SAMD4A: variants seen among roughly 807,000 people sequenced by gnomAD.
SAMD4A encodes protein Smaug homolog 1.
A neutral mutation model predicts 81.3 loss-of-function variants in SAMD4A; 33 were observed. The ratio of observed to expected loss-of-function variants is 0.41; its 90% CI spans 0.31 to 0.54. The LOEUF is 0.54. Ranked by LOEUF, SAMD4A falls within the 20% of genes least tolerant of loss-of-function variation. The pLI is 0.37. For synonymous variants in SAMD4A, 389 were observed against 382.1 expected, an observed-to-expected ratio of 1.02 and a Z score of -0.21; for missense variants, 854 against 951.1, an observed-to-expected ratio of 0.90 and a Z score of 1.34.
intron 5 of SAMD4A, among the ~76,000 whole-genome samples, chr14:54,750,602 T>C (rs926829273): frequency 6.6e-6 from 1 of 152,224 alleles, no homozygotes; most frequent in African/African-American, 2.4e-5. Context: ...ATTCTAGTTT[T>C]CCTTAGAGAA....
At position 54,567,756 on chromosome 14, in the gene SAMD4A, G is replaced by A; in HGVS notation, c.-161G>A. ...AACGTAACTGAAACCAGACAAGAGA[G>A]GCAGGAGCCCAGGCAGTACCTGCAG... On this transcript the variant is annotated 5_prime_UTR_variant, in exon 2 of 13. Coordinates refer to ENST00000554335, the MANE Select transcript of SAMD4A (RefSeq NM_015589.6). 1 of 633,386 alleles carries A rather than the reference G, an allele frequency of 1.6e-6. No individual in the cohort carries two copies. Among genetic ancestry groups the A allele is most frequent in the Non-Finnish European group, 2.6e-6 (1 of 384,180 alleles). The allele number at this position is 633,386 out of a possible 1,614,324, so 39.2% of individuals were successfully genotyped here. A position where few individuals can be genotyped will look rare whatever the true frequency, so the allele number is the denominator to read the frequency against.
intron 3 of SAMD4A, among the ~76,000 whole-genome samples, chr14:54,729,746 A>G (rs796286268): frequency 6.6e-6 from 1 of 152,208 alleles, no homozygotes; most frequent in South Asian, 2.1e-4. Context: ...CATTTGCTTC[A>G]AAGGTGGAAA....
At chr14:54,578,181 G>A (rs2033360378) in intron 2 of SAMD4A, among the ~76,000 whole-genome samples, 1 of 152,274 alleles carries the variant, frequency 6.6e-6, no homozygotes, top group East Asian at 1.9e-4. Context: ...CAAGCACTCT[G>A]GCTTCGGAAC....
chr14:54,595,033 A>G (rs1449306955), intron 2 of SAMD4A, among the ~76,000 whole-genome samples: 2 of 152,144 alleles, frequency 1.3e-5, no homozygotes, highest in Admixed American at 6.5e-5. Context: ...AAAAATACCT[A>G]CTCTGTGCCA....
At chr14:54,784,795 G>A (rs1336764209) in intron 12 of SAMD4A, among the ~76,000 whole-genome samples, 175 bp downstream of exon 12, 1 of 152,156 alleles carries the variant, frequency 6.6e-6, no homozygotes, top group African/African-American at 2.4e-5. Context: ...CCATTTTCCA[G>A]CGGCACCATG....
chr14:54,778,234 T>G (rs2038910217), intron 11 of SAMD4A, among the ~76,000 whole-genome samples: 2 of 152,218 alleles, frequency 1.3e-5, no homozygotes, highest in South Asian at 2.1e-4. Flanking sequence ...TTCCCTGAGC[T>G]TTCTCCATCT....
chr14:54,696,702 T>C (rs1323593558), intron 2 of SAMD4A: 1 of 152,248 alleles, frequency 6.6e-6, no homozygotes, highest in African/African-American at 2.4e-5. Context: ...GACAGTTTCC[T>C]AATCCTCATG....
At chr14:54,687,132 C>T (rs2036293707) in intron 2 of SAMD4A, among the ~76,000 whole-genome samples, 2 of 152,214 alleles carry the variant, frequency 1.3e-5, no homozygotes, top group African/African-American at 4.8e-5. Context: ...AAGGTCAAGA[C>T]ATACAGAAAA....
At chr14:54,593,313 TG>T (rs1355913606) in intron 2 of SAMD4A, among the ~76,000 whole-genome samples, 1 of 152,258 alleles carries the variant, frequency 6.6e-6, no homozygotes, top group African/African-American at 2.4e-5. Flanking sequence ...AAGTAATTCT[TG>T]ATTACTATTA....
At chr14:54,640,219 CT>C in intron 2 of SAMD4A, among the ~76,000 whole-genome samples, 1 of 152,150 alleles carries the variant, frequency 6.6e-6, no homozygotes, top group Admixed American at 6.5e-5. Flanking sequence ...TCCCAGCGCC[CT>C]CGTGTCTCTC....
At chr14:54,779,459 G>A (rs541723303) in intron 11 of SAMD4A, among the ~76,000 whole-genome samples, 98 of 152,312 alleles carry the variant, frequency 6.4e-4, no homozygotes, top group Non-Finnish European at 7.1e-4. Flanking sequence ...TTTGAAGGAT[G>A]CTTTCATTCT....
intron 6 of SAMD4A, among the ~76,000 whole-genome samples, chr14:54,758,377 C>G (rs1017434769): frequency 1.3e-5 from 2 of 152,134 alleles, no homozygotes; most frequent in Non-Finnish European, 2.9e-5. Flanking sequence ...TTTTTCTGAT[C>G]GATTGATTGG....
intron 2 of SAMD4A, among the ~76,000 whole-genome samples, chr14:54,685,309 C>T (rs1486243903): frequency 6.9e-6 from 1 of 145,162 alleles, no homozygotes; most frequent in Non-Finnish European, 1.5e-5. Context: ...CACCATTCTG[C>T]TTTCTGACTA....
chr14:54,716,288 C>T (rs1014127053), intron 3 of SAMD4A, among the ~76,000 whole-genome samples: 2 of 152,170 alleles, frequency 1.3e-5, no homozygotes, highest in Non-Finnish European at 2.9e-5. Context: ...TCCTCAGCTC[C>T]AGGTTCTTGA....
intron 4 of SAMD4A, among the ~76,000 whole-genome samples, chr14:54,740,024 G>A (rs1193869502): frequency 6.6e-6 from 1 of 152,068 alleles, no homozygotes; most frequent in Non-Finnish European, 1.5e-5. Flanking sequence ...ACAAAAATTA[G>A]TCAGGTGTGG....
chr14:54,762,395 A>T (rs1027820653), intron 7 of SAMD4A, among the ~76,000 whole-genome samples: 1 of 152,092 alleles, frequency 6.6e-6, no homozygotes, highest in Non-Finnish European at 1.5e-5. Context: ...CCCTTCCACC[A>T]CCCACCTTAA....
intron 2 of SAMD4A, among the ~76,000 whole-genome samples, chr14:54,662,883 C>CTGGGAAG (rs1408996311): frequency 6.6e-6 from 1 of 152,178 alleles, no homozygotes; most frequent in African/African-American, 2.4e-5. Flanking sequence ...AGGGGATGCC[C>CTGGGAAG]TGGGAAGTTC....
intron 2 of SAMD4A, among the ~76,000 whole-genome samples, chr14:54,666,716 T>C (rs947346535): frequency 5.9e-5 from 9 of 152,134 alleles, no homozygotes; most frequent in Non-Finnish European, 2.9e-5. Context: ...GACACTTAAC[T>C]GAGAAGACAA....
intron 3 of SAMD4A, among the ~76,000 whole-genome samples, chr14:54,722,498 A>G (rs1416652652): frequency 6.6e-6 from 1 of 152,106 alleles, no homozygotes; most frequent in Admixed American, 6.5e-5. Context: ...TTATTTTTTT[A>G]CCCTTCTTTG....
Sources: allele counts gnomAD v4.1 joint callset (sites outside exome capture counted in the v4.1 genomes callset), GRCh38; gene constraint gnomAD v4.1.1; transcripts MANE v1.5; gene names NCBI Gene and HGNC (gene_info 2026-07-23, HGNC 2026-07-21).